Variants in CASK observed in about 807,000 individuals in gnomAD.
CASK encodes peripheral plasma membrane protein CASK.
Under a neutral mutation model 82.9 loss-of-function variants are expected in CASK, and 4 were observed. The ratio of observed to expected loss-of-function variants is 0.05; its 90% CI spans 0.02 to 0.11. The LOEUF is 0.11. Ranked by LOEUF, CASK falls within the 10% of genes least tolerant of loss-of-function variation. The pLI is 1.00. For synonymous variants in CASK, 259 were observed against 253.5 expected (o/e 1.02, Z -0.20); for missense variants, 358 against 720.9 (o/e 0.50, Z 5.76).
intron 2 of CASK, among the ~76,000 whole-genome samples, chrX:41,843,901 A>T (rs993167179): frequency 9.0e-6 from 1 of 111,584 alleles, no homozygotes; most frequent in Non-Finnish European, 1.9e-5. Context: ...CATTGTATGG[A>T]TATACCATAT....
intron 1 of CASK, among the ~76,000 whole-genome samples, chrX:41,905,046 T>C (rs1001208094): frequency 8.9e-6 from 1 of 112,263 alleles, no homozygotes; most frequent in Non-Finnish European, 1.9e-5. Context: ...AGTGCTGTGA[T>C]GAACATACAC....
rs773608329 is a variant in CASK at position 41,777,163 on chromosome X, C to T, written c.278+10015G>A. ...AAGCAACCAGATGAATCTCAGAGAC[C>T]AAAAATAGAGTATATACTGTAGGAT... On this transcript the variant is annotated intron_variant, in intron 3 of 26. Transcript: ENST00000378163. Among the ~76,000 whole-genome samples, 3 of 111,269 alleles carry T rather than the reference C, an allele frequency of 2.7e-5. No individual in the cohort carries two copies. The South Asian group carries it at 1.1e-3, about 42-fold the overall frequency.
chrX:41,593,883 A>G (rs1273751271), intron 12 of CASK, among the ~76,000 whole-genome samples: 2 of 112,438 alleles, frequency 1.8e-5, no homozygotes, highest in African/African-American at 6.5e-5. Context: ...CTCATGGGTC[A>G]TCTGCATATT....
rs761123881 is a variant in CASK at position 41,810,501 on chromosome X, G to C, written c.173-23218C>G. Among the ~76,000 whole-genome samples, 272 of 111,375 alleles carry C rather than the reference G, an allele frequency of 2.4e-3. 2 individuals are homozygous for C. Among genetic ancestry groups the C allele is most frequent in the Non-Finnish European group, 3.9e-3 (205 of 53,016 alleles). The stretch of plus-strand genomic sequence containing the variant: ...GCCAAACTAAGCTTCATAAGTGAAA[G>C]AGAAATAAAATCCTTTGCAGACAAG... On this transcript the variant is annotated intron_variant, in intron 2 of 26. Coordinates refer to ENST00000378163, the MANE Select transcript of CASK (RefSeq NM_001367721.1).
intron 3 of CASK, among the ~76,000 whole-genome samples, chrX:41,765,885 GA>G (rs764812551): frequency 2.7e-4 from 30 of 110,121 alleles, no homozygotes; most frequent in South Asian, 3.8e-4. Context: ...AAAGCAAGGA[GA>G]AAAAAAAGAC....
chrX:41,853,331 C>T lies in CASK; in HGVS notation c.60-104G>A, dbSNP rs1489782481. ...TCTATATAATATAGATAATGTTTGC[C>T]ATTCTACTTTAGACTCCAAATTGAA... On this transcript the variant is annotated intron_variant, in intron 1 of 26. Coordinates refer to ENST00000378163, the MANE Select transcript of CASK (RefSeq NM_001367721.1). 3.2e-5 allele frequency: 16 copies of T among 496,214 alleles called. No homozygotes were observed. In the East Asian group the frequency reaches 6.0e-4, roughly 19 times the overall value. The allele number at this position is 496,214 out of a possible 1,213,427, so 40.9% of individuals were successfully genotyped here.
chrX:41,561,419 T>C, intron 17 of CASK, 140 bp downstream of exon 17: 1 of 497,254 alleles, frequency 2.0e-6, no homozygotes, highest in South Asian at 3.1e-5. Context: ...GTTTTATGAA[T>C]GTTATATAAG....
At chrX:41,541,281 G>A (rs1290281460) in intron 22 of CASK, among the ~76,000 whole-genome samples, 1 of 111,641 alleles carries the variant, frequency 9.0e-6, no homozygotes, top group East Asian at 2.8e-4. Flanking sequence ...GGCTGGCCTC[G>A]AACTCCTGGG....
At chrX:41,713,604 A>G (rs1292415120) in intron 5 of CASK, among the ~76,000 whole-genome samples, 4 of 112,323 alleles carry the variant, frequency 3.6e-5, no homozygotes, top group East Asian at 2.8e-4. Context: ...ATGGGCACCA[A>G]TGAAAACATG....
chrX:41,904,919 A>C (rs2072444544), intron 1 of CASK, among the ~76,000 whole-genome samples: 1 of 111,919 alleles, frequency 8.9e-6, no homozygotes, highest in African/African-American at 3.2e-5. Flanking sequence ...AAAGGATATA[A>C]TCTTATTCTT....
intron 1 of CASK, among the ~76,000 whole-genome samples, chrX:41,869,248 A>G (rs2071650140): frequency 1.8e-5 from 2 of 111,710 alleles, no homozygotes; most frequent in Non-Finnish European, 3.8e-5. Context: ...TCCATTTGAT[A>G]AACCAACCTC....
At position 41,559,762 on chromosome X, in the gene CASK, T is replaced by C; in HGVS notation, c.1737+17A>G. The C allele has an allele frequency of 8.4e-7, 1 of 1,194,676 alleles. No homozygotes were observed. Among genetic ancestry groups the C allele is most frequent in the Admixed American group, 2.2e-5 (1 of 45,970 alleles). On this transcript the variant is annotated intron_variant, in intron 18 of 26. Coordinates refer to ENST00000378163, the MANE Select transcript of CASK (RefSeq NM_001367721.1). The stretch of plus-strand genomic sequence containing the variant: ...AAGAACTCAGAGCAGATGGGGGTGG[T>C]TTGTTAGAGTCATTACCTCACAGGA...
At position 41,923,270 on chromosome X, in the gene CASK, G is replaced by T. The variant is rs1376854681; in HGVS notation, c.-282C>A. ...CTGCTTCTCGCGCTGCTCGGGCCGCGCTGCCCGGCGTGCGGATCCTCGGGG... is the reference window on the plus strand; with the variant it reads ...CTGCTTCTCGCGCTGCTCGGGCCGCTCTGCCCGGCGTGCGGATCCTCGGGG... On this transcript the variant is annotated 5_prime_UTR_variant, in exon 1 of 27. Coordinates refer to ENST00000378163, the MANE Select transcript of CASK (RefSeq NM_001367721.1). The T allele has an allele frequency of 9.3e-6, 1 of 106,956 alleles. No individual in the cohort carries two copies. Among genetic ancestry groups the T allele is most frequent in the Non-Finnish European group, 2.0e-5 (1 of 51,119 alleles). 8.8% of individuals were successfully genotyped at this position (106,956 alleles called of 1,213,427 possible).
intron 1 of CASK, among the ~76,000 whole-genome samples, chrX:41,893,164 C>T (rs2072205399): frequency 9.0e-6 from 1 of 111,686 alleles, no homozygotes; most frequent in African/African-American, 3.3e-5. Context: ...GGAGTGAGGA[C>T]CTCAGCTACT....
chrX:41,730,624 G>T, intron 5 of CASK, among the ~76,000 whole-genome samples: 1 of 111,359 alleles, frequency 9.0e-6, no homozygotes, highest in East Asian at 2.8e-4. Flanking sequence ...GTGATTTCTA[G>T]ACATGTAAAT....
intron 9 of CASK, among the ~76,000 whole-genome samples, chrX:41,628,556 C>T (rs1158847168): frequency 4.5e-5 from 5 of 111,964 alleles, no homozygotes; most frequent in Middle Eastern, 4.6e-3. Flanking sequence ...CCACCCACCT[C>T]GGCCTCCCAA....
intron 1 of CASK, among the ~76,000 whole-genome samples, chrX:41,870,219 C>T (rs1443299726): frequency 9.0e-6 from 1 of 111,320 alleles, no homozygotes; most frequent in Non-Finnish European, 1.9e-5. Context: ...AAAGACAAAG[C>T]AAAAACCTGA....
At chrX:41,622,903 T>TG (rs2066308847) in intron 10 of CASK, among the ~76,000 whole-genome samples, 1 of 104,397 alleles carries the variant, frequency 9.6e-6, no homozygotes, top group East Asian at 3.0e-4. Flanking sequence ...TTTTTTGAGA[T>TG]GGGGTCTCAC....
intron 1 of CASK, among the ~76,000 whole-genome samples, chrX:41,854,193 C>T (rs1184152859): frequency 9.5e-6 from 1 of 104,937 alleles, no homozygotes; most frequent in Non-Finnish European, 1.9e-5. Context: ...ATACCCTGGT[C>T]CAGGGAACAT....
Sources: allele counts gnomAD v4.1 joint callset (sites outside exome capture counted in the v4.1 genomes callset), GRCh38; gene constraint gnomAD v4.1.1; transcripts MANE v1.5; gene names NCBI Gene and HGNC (gene_info 2026-07-23, HGNC 2026-07-21).